The following SPTLC2 variants were observed in gnomAD, a reference collection of about 807,000 sequenced individuals.
The protein encoded by SPTLC2 is serine palmitoyltransferase long chain base subunit 2, also known as serine palmitoyltransferase 2.
A neutral mutation model predicts 62.0 loss-of-function variants in SPTLC2; 21 were observed. The observed-to-expected ratio is 0.34, with a 90% CI of 0.24 to 0.49. SPTLC2 has a LOEUF of 0.49. SPTLC2 is among the 20% of genes least tolerant of loss of function. The probability of loss-of-function intolerance (pLI) is 0.99; values close to 1 mark genes in which losing one functional copy is unlikely to be tolerated. For synonymous variants in SPTLC2, 261 were observed against 261.8 expected (o/e 1.00, Z 0.03); for missense variants, 511 against 713.0 (o/e 0.72, Z 3.23).
At chr14:77,596,922 G>A (rs1437885801) in intron 2 of SPTLC2, among the ~76,000 whole-genome samples, 1 of 152,158 alleles carries the variant, frequency 6.6e-6, no homozygotes, top group African/African-American at 2.4e-5. Context: ...TTTAACTTGT[G>A]ACTTTTTGAT....
intron 9 of SPTLC2, among the ~76,000 whole-genome samples, chr14:77,532,057 AAAC>A (rs199510728): frequency 1.0e-3 from 152 of 152,288 alleles, no homozygotes; most frequent in African/African-American, 2.6e-3. Flanking sequence ...TTTTACTTAA[AAAC>A]AACAACAACA....
chr14:77,611,777 G>A (rs2079939336), intron 1 of SPTLC2, among the ~76,000 whole-genome samples: 1 of 151,376 alleles, frequency 6.6e-6, no homozygotes. Flanking sequence ...AGTGAACTGA[G>A]ATGGCGCCAC....
intron 2 of SPTLC2, among the ~76,000 whole-genome samples, chr14:77,590,591 A>C (rs1048694244): frequency 1.6e-4 from 25 of 152,184 alleles, no homozygotes; most frequent in African/African-American, 6.0e-4. Context: ...ACATGCCTGT[A>C]GTCCCAGCCA....
chr14:77,562,576 C>T (rs2140026733), intron 5 of SPTLC2, 87 bp from the exon 6 acceptor site: 2 of 1,002,132 alleles, frequency 2.0e-6, no homozygotes, highest in South Asian at 2.7e-5. Flanking sequence ...ACACTAATAG[C>T]TGTATCTTAT....
intron 9 of SPTLC2, among the ~76,000 whole-genome samples, chr14:77,536,318 ATT>A (rs1332001243): frequency 6.6e-6 from 1 of 152,064 alleles, no homozygotes; most frequent in African/African-American, 2.4e-5. Flanking sequence ...AAAGTTTTAA[ATT>A]TATTATAGGT....
intron 10 of SPTLC2, among the ~76,000 whole-genome samples, chr14:77,519,267 T>C (rs2079374395): frequency 6.6e-6 from 1 of 152,128 alleles, no homozygotes; most frequent in African/African-American, 2.4e-5. Flanking sequence ...CTCGATCTCC[T>C]GACCTTGTGA....
intron 9 of SPTLC2, among the ~76,000 whole-genome samples, chr14:77,533,636 G>A (rs1019584412): frequency 6.6e-6 from 1 of 152,168 alleles, no homozygotes; most frequent in Non-Finnish European, 1.5e-5. Flanking sequence ...CCTTCTTTAC[G>A]TGTGCAAGCA....
intron 4 of SPTLC2, among the ~76,000 whole-genome samples, chr14:77,575,526 A>C (rs1341655253): frequency 6.6e-6 from 1 of 151,994 alleles, no homozygotes; most frequent in African/African-American, 2.4e-5. Context: ...CCAACTTTCA[A>C]CTGGGTATCC....
At chr14:77,565,239 T>A (rs1466440918) in intron 5 of SPTLC2, among the ~76,000 whole-genome samples, 2 of 39,752 alleles carry the variant, frequency 5.0e-5, no homozygotes, top group Admixed American at 3.8e-4. Flanking sequence ...CAAAACTCCA[T>A]CTCAAAAAAA....
At position 77,555,866 on chromosome 14, in the gene SPTLC2, G is replaced by A. The variant is rs113106619; in HGVS notation, c.957-347C>T. On this transcript the variant is annotated intron_variant, in intron 7 of 11. Transcript: ENST00000216484. Reference sequence around the variant, plus strand: ...ACTCCTGGCCTCAAGTGATACACCCGCCTTGGCCTCCCACAGTTCTGGGGT... The same window carrying A: ...ACTCCTGGCCTCAAGTGATACACCCACCTTGGCCTCCCACAGTTCTGGGGT... Among the ~76,000 whole-genome samples, 719 of 151,494 alleles carry A rather than the reference G, an allele frequency of 4.7e-3. 6 individuals are homozygous for A. Among genetic ancestry groups the A allele is most frequent in the Non-Finnish European group, 7.8e-3 (529 of 67,854 alleles).
intron 2 of SPTLC2, among the ~76,000 whole-genome samples, chr14:77,590,014 C>T (rs751647986): frequency 6.6e-6 from 1 of 151,570 alleles, no homozygotes; most frequent in Non-Finnish European, 1.5e-5. Flanking sequence ...TTCACTCTGT[C>T]ACCCAGGCTA....
intron 5 of SPTLC2, among the ~76,000 whole-genome samples, chr14:77,563,596 T>C (rs2079626652): frequency 2.0e-5 from 3 of 152,036 alleles, no homozygotes; most frequent in Admixed American, 2.0e-4. Context: ...CAGCTAATAT[T>C]TGTATTTTTA....
At chr14:77,615,230 G>C (rs754565275) in intron 1 of SPTLC2, among the ~76,000 whole-genome samples, 8 of 152,036 alleles carry the variant, frequency 5.3e-5, no homozygotes, top group African/African-American at 1.7e-4. Context: ...GTATTACTTC[G>C]CTTTGACACC....
At chr14:77,591,343 A>G (rs1363840943) in intron 2 of SPTLC2, among the ~76,000 whole-genome samples, 3 of 152,224 alleles carry the variant, frequency 2.0e-5, no homozygotes, top group African/African-American at 7.2e-5. Context: ...ATGAGGAAGG[A>G]GTGACTGCTA....
At chr14:77,597,147 G>C (rs367825809) in intron 2 of SPTLC2, 39 bp downstream of exon 2, 1 of 1,596,520 alleles carries the variant, frequency 6.3e-7, no homozygotes, top group East Asian at 2.2e-5. Flanking sequence ...TTCCATAAAA[G>C]GCTTCTATTT....
chr14:77,598,364 GC>G (rs2079859626), intron 1 of SPTLC2, among the ~76,000 whole-genome samples: 1 of 151,856 alleles, frequency 6.6e-6, no homozygotes, highest in South Asian at 2.1e-4. Flanking sequence ...AATAAAAAAA[GC>G]AAAAAATATA....
At chr14:77,612,651 TCA>T (rs747022881) in intron 1 of SPTLC2, among the ~76,000 whole-genome samples, 1 of 152,196 alleles carries the variant, frequency 6.6e-6, no homozygotes, top group Non-Finnish European at 1.5e-5. Context: ...TCCTTAACTA[TCA>T]CATATAAACC....
At chr14:77,570,651 A>G (rs1022543316) in intron 4 of SPTLC2, 143 bp from the exon 5 acceptor site, 2 of 917,864 alleles carry the variant, frequency 2.2e-6, no homozygotes, top group African/African-American at 1.7e-5. Context: ...ATGAAGAGTA[A>G]TATTCTTCAT....
At chr14:77,594,581 CGA>C (rs1283834813) in intron 2 of SPTLC2, among the ~76,000 whole-genome samples, 9 of 152,112 alleles carry the variant, frequency 5.9e-5, no homozygotes, top group Non-Finnish European at 1.0e-4. Context: ...GGCAACATGG[CGA>C]GACGCTGTCT....
Sources: gnomAD v4.1 joint callset for allele counts (sites outside exome capture counted in the v4.1 genomes callset) on GRCh38, gnomAD v4.1.1 for gene constraint, MANE v1.5 for transcripts, NCBI Gene and HGNC (gene_info 2026-07-23, HGNC 2026-07-21) for gene names.